Variants in GRIK2 observed in about 807,000 individuals in gnomAD.
GRIK2 encodes the protein glutamate ionotropic receptor kainate type subunit 2.
GRIK2 carries 32 observed loss-of-function variants against 100.3 expected under a neutral mutation model. The observed-to-expected ratio is 0.32, with a 90% CI of 0.24 to 0.43. The LOEUF is 0.43. Among genes scored for constraint, GRIK2 ranks in the 20% least tolerant of loss-of-function variants. The probability of loss-of-function intolerance (pLI) is 1.00; values close to 1 mark genes in which losing one functional copy is unlikely to be tolerated. For missense variants in GRIK2, 843 were observed against 1,114.9 expected (o/e 0.76, Z 3.47); for synonymous variants, 417 against 389.4 (o/e 1.07, Z -0.83).
At chr6:101,441,878 C>T (rs1770085488) in intron 2 of GRIK2, among the ~76,000 whole-genome samples, 1 of 151,528 alleles carries the variant, frequency 6.6e-6, no homozygotes, top group African/African-American at 2.4e-5. Context: ...TTTTATTTTA[C>T]TTTGCCAAAG....
chr6:101,432,922 T>C (rs754969955), intron 2 of GRIK2, among the ~76,000 whole-genome samples: 2 of 152,090 alleles, frequency 1.3e-5, no homozygotes, highest in Non-Finnish European at 2.9e-5. Context: ...GGAAGAAAGA[T>C]CTACCCCCTT....
intron 11 of GRIK2, among the ~76,000 whole-genome samples, chr6:101,889,316 G>T (rs1332669006): frequency 6.6e-6 from 1 of 151,714 alleles, no homozygotes; most frequent in African/African-American, 2.4e-5. Context: ...ATTTTGAAAA[G>T]TCTAGTAGCA....
At chr6:101,692,756 C>T (rs977418088) in intron 7 of GRIK2, among the ~76,000 whole-genome samples, 1 of 152,004 alleles carries the variant, frequency 6.6e-6, no homozygotes, top group Non-Finnish European at 1.5e-5. Flanking sequence ...AATTTATTAA[C>T]ATAAATGTTA....
intron 2 of GRIK2, among the ~76,000 whole-genome samples, chr6:101,438,102 T>C (rs1282504404): frequency 6.6e-6 from 1 of 151,762 alleles, no homozygotes; most frequent in Non-Finnish European, 1.5e-5. Context: ...AAATGAAGGT[T>C]TAATGGGGGT....
At chr6:101,965,802 A>G (rs1220846488) in intron 14 of GRIK2, among the ~76,000 whole-genome samples, 3 of 152,106 alleles carry the variant, frequency 2.0e-5, no homozygotes, top group Non-Finnish European at 2.9e-5. Context: ...AGGAGGAAGG[A>G]AGGAAGGAGA....
intron 10 of GRIK2, among the ~76,000 whole-genome samples, chr6:101,826,358 A>T (rs1782330187): frequency 6.6e-6 from 1 of 152,056 alleles, no homozygotes; most frequent in African/African-American, 2.4e-5. Context: ...TAGGGCAAAA[A>T]TCTATTGAGG....
chr6:101,904,330 T>G (rs1788077741), intron 12 of GRIK2, among the ~76,000 whole-genome samples: 1 of 151,556 alleles, frequency 6.6e-6, no homozygotes, highest in South Asian at 2.1e-4. Flanking sequence ...TGATAGTTTA[T>G]GACTTCATAG....
chr6:101,660,490 A>G (rs377488229), intron 4 of GRIK2, among the ~76,000 whole-genome samples: 11 of 152,206 alleles, frequency 7.2e-5, no homozygotes, highest in African/African-American at 2.4e-4. Context: ...CATCAAACTC[A>G]TTCTCTTCCA....
At chr6:101,445,252 T>C (rs1223378521) in intron 2 of GRIK2, among the ~76,000 whole-genome samples, 2 of 152,152 alleles carry the variant, frequency 1.3e-5, no homozygotes, top group Non-Finnish European at 2.9e-5. Flanking sequence ...TGCTCTCTCA[T>C]GGTTTCCACC....
At chr6:101,498,095 C>T (rs9498600) in intron 2 of GRIK2, among the ~76,000 whole-genome samples, 85,338 of 142,490 alleles carry the variant, frequency 0.6, 26,451 homozygotes, top group African/African-American at 0.77. Flanking sequence ...TCAATTTCCA[C>T]CTATGAGTGA....
At chr6:101,478,252 AC>A (rs1772348936) in intron 2 of GRIK2, among the ~76,000 whole-genome samples, 10 of 152,142 alleles carry the variant, frequency 6.6e-5, no homozygotes, top group Admixed American at 3.9e-4. Flanking sequence ...GGTTCTACCA[AC>A]AGAATTTTAG....
chr6:101,518,629 G>T (rs1182198031), intron 2 of GRIK2, among the ~76,000 whole-genome samples: 1 of 152,094 alleles, frequency 6.6e-6, no homozygotes, highest in Non-Finnish European at 1.5e-5. Flanking sequence ...GAAATGATCT[G>T]GGAAAAAGAT....
At chr6:101,583,540 T>G (rs1301023906) in intron 2 of GRIK2, among the ~76,000 whole-genome samples, 2 of 152,134 alleles carry the variant, frequency 1.3e-5, no homozygotes, top group Non-Finnish European at 2.9e-5. Flanking sequence ...TGCCCTCTAG[T>G]CCTTAGCTTC....
chr6:101,652,146 GA>G (rs1480914699), intron 4 of GRIK2, among the ~76,000 whole-genome samples: 3 of 152,128 alleles, frequency 2.0e-5, no homozygotes, highest in Non-Finnish European at 4.4e-5. Context: ...GCTTAAGTGA[GA>G]ATGCAAGGTG....
intron 7 of GRIK2, among the ~76,000 whole-genome samples, chr6:101,690,566 C>A (rs1056285624): frequency 6.6e-6 from 1 of 152,142 alleles, no homozygotes; most frequent in African/African-American, 2.4e-5. Context: ...CACCTTCTTT[C>A]TAGTATGATT....
chr6:101,810,771 C>T (rs773408951), intron 9 of GRIK2, among the ~76,000 whole-genome samples: 1 of 151,948 alleles, frequency 6.6e-6, no homozygotes, highest in Non-Finnish European at 1.5e-5. Flanking sequence ...TTTAACTATT[C>T]ATCATTTGAA....
At chr6:101,729,691 A>AAG (rs150655159) in intron 7 of GRIK2, among the ~76,000 whole-genome samples, 18,444 of 149,780 alleles carry the variant, frequency 0.12, 1,299 homozygotes, top group South Asian at 0.2. Flanking sequence ...GTGGTGTGGG[A>AAG]AGAGAGAGAG....
chr6:101,918,989 T>G (rs2128468344), intron 12 of GRIK2, among the ~76,000 whole-genome samples: 1 of 151,828 alleles, frequency 6.6e-6, no homozygotes, highest in South Asian at 2.1e-4. Context: ...TTGGGTGAAT[T>G]AACTGAAGAG....
intron 14 of GRIK2, among the ~76,000 whole-genome samples, chr6:101,938,126 G>GT (rs58659924): frequency 3.2e-4 from 48 of 149,078 alleles, no homozygotes; most frequent in South Asian, 8.5e-4. Flanking sequence ...TACTAGTTAA[G>GT]TTTTTTTTTT....
Sources: gnomAD v4.1 joint callset for allele counts (sites outside exome capture counted in the v4.1 genomes callset) on GRCh38, gnomAD v4.1.1 for gene constraint, MANE v1.5 for transcripts, NCBI Gene and HGNC (gene_info 2026-07-23, HGNC 2026-07-21) for gene names.